ARHGEF11: variants seen among roughly 807,000 people sequenced by gnomAD.
The protein encoded by ARHGEF11 is Rho guanine nucleotide exchange factor 11, also known as Rho guanine exchange factor (GEF) 11.
Under a neutral mutation model 193.7 loss-of-function variants are expected in ARHGEF11, and 55 were observed. The observed-to-expected ratio is 0.28, with a 90% CI of 0.23 to 0.36. ARHGEF11 has a LOEUF of 0.36. Ranked by LOEUF, ARHGEF11 falls within the 10% of genes least tolerant of loss-of-function variation. ARHGEF11 has a pLI of 1.00. For synonymous variants in ARHGEF11, 693 were observed against 768.0 expected (o/e 0.90, Z 1.62); for missense variants, 1,723 against 2,005.6 (o/e 0.86, Z 2.69).
intron 37 of ARHGEF11, chr1:156,939,190 C>T (rs1656215843): frequency 3.4e-6 from 1 of 298,040 alleles, no homozygotes; most frequent in South Asian, 3.4e-5. Context: ...AGAAGAGTGG[C>T]TCTTTTCCCT....
At chr1:157,033,039 G>A (rs1027977173) in intron 1 of ARHGEF11, among the ~76,000 whole-genome samples, 1 of 151,954 alleles carries the variant, frequency 6.6e-6, no homozygotes, top group Non-Finnish European at 1.5e-5. Flanking sequence ...CCCTGCCCCT[G>A]GACAGTCTTA....
rs142897863 is a variant in ARHGEF11, at chr1:157,008,288, G to A, written c.33-22115C>T. Among the ~76,000 whole-genome samples the A allele has an allele frequency of 6.5e-4, 99 of 152,146 alleles. 1 individual carries two copies. The highest frequency in any genetic ancestry group is 2.3e-3 in the African/African-American group (95 of 41,500). On this transcript the variant is annotated intron_variant, in intron 1 of 40. Coordinates refer to ENST00000368194, the MANE Select transcript of ARHGEF11 (RefSeq NM_198236.3). ...TTGAAGCTCTACCCTCCAATGTGATGGCATTTGGAGATGGGGCCTTTGGAG... is the reference window on the plus strand; with the variant it reads ...TTGAAGCTCTACCCTCCAATGTGATAGCATTTGGAGATGGGGCCTTTGGAG...
intron 1 of ARHGEF11, among the ~76,000 whole-genome samples, chr1:157,010,019 C>T (rs1438346286): frequency 6.6e-6 from 1 of 152,076 alleles, no homozygotes; most frequent in Non-Finnish European, 1.5e-5. Context: ...GAAAGACTTG[C>T]CCCTAAGGTC....
In ARHGEF11 at chr1:156,984,083, A is replaced by ATCT. The variant is rs564813546; in HGVS notation, c.223+253_223+255dup. On this transcript the variant is annotated intron_variant, in intron 3 of 40. Transcript: ENST00000368194. ...GGGCTCCCTTCGATGGCAATCAGAC[A>ATCT]TCTGCCTGATGATGACCTGACAGCT... is the stretch of plus-strand genomic sequence containing the variant. 7.1e-4 allele frequency among the ~76,000 whole-genome samples: 108 copies of ATCT among 152,358 alleles called. 1 individual carries two copies. Among genetic ancestry groups the ATCT allele is most frequent in the African/African-American group, 2.5e-3 (106 of 41,594 alleles).
intron 1 of ARHGEF11, among the ~76,000 whole-genome samples, chr1:157,033,810 G>A (rs1048894896): frequency 1.5e-4 from 23 of 152,072 alleles, no homozygotes; most frequent in African/African-American, 5.1e-4. Flanking sequence ...CTCCAGCCTA[G>A]CTTTTATTTT....
In ARHGEF11 at chr1:157,014,090, C is replaced by T. The variant is rs140061387; in HGVS notation, c.33-27917G>A. 8.1e-3 allele frequency among the ~76,000 whole-genome samples: 1,231 copies of T among 152,314 alleles called. 7 individuals are homozygous for T. Among genetic ancestry groups the T allele is most frequent in the Admixed American group, 0.015 (231 of 15,308 alleles). On this transcript the variant is annotated intron_variant, in intron 1 of 40. Transcript: ENST00000368194. ...CTGAGGCCTTTGGTGCCTCCAATCA[C>T]GGTTTTATTAGTGTTTCCATGACCT...
At chr1:156,956,397 G>A (rs773169885) in intron 19 of ARHGEF11, 23 bp downstream of exon 19, 7 of 1,613,500 alleles carry the variant, frequency 4.3e-6, no homozygotes, top group Middle Eastern at 1.7e-4. Context: ...TTACAGGCAT[G>A]AGCCACCATG....
In ARHGEF11 at chr1:156,983,334, G is replaced by A. The variant is rs1217122414; in HGVS notation, c.223+1005C>T. ...GGCCACGGGTTCATGCCATTCTCCT[G>A]CCTCAGCCTCCCGAGTAGCTGGGAC... On this transcript the variant is annotated intron_variant, in intron 3 of 40. Coordinates refer to ENST00000368194, the MANE Select transcript of ARHGEF11 (RefSeq NM_198236.3). Among the ~76,000 whole-genome samples, 28 of 152,136 alleles carry A rather than the reference G, an allele frequency of 1.8e-4. 1 individual carries two copies. The highest frequency in any genetic ancestry group is 5.9e-5 in the Non-Finnish European group (4 of 68,008).
At position 157,013,206 on chromosome 1, in the gene ARHGEF11, T is replaced by C. The variant is rs1349077981; in HGVS notation, c.33-27033A>G. On this transcript the variant is annotated intron_variant, in intron 1 of 40. Transcript: ENST00000368194. ...TTTACTTGCAGGGCTGAATTCCATT[T>C]CCCTTCCATCATGTACTTGGGTCTG... is the stretch of plus-strand genomic sequence containing the variant. 1.1e-4 allele frequency among the ~76,000 whole-genome samples: 16 copies of C among 150,224 alleles called. No homozygotes were observed. In the South Asian group the frequency reaches 3.4e-3, roughly 32 times the overall value.
intron 30 of ARHGEF11, 101 bp downstream of exon 30, chr1:156,944,918 T>C: frequency 6.9e-7 from 1 of 1,449,520 alleles, no homozygotes; most frequent in African/African-American, 1.4e-5. Flanking sequence ...ATCTGGTCTC[T>C]GTCTCCTACC....
intron 1 of ARHGEF11, among the ~76,000 whole-genome samples, chr1:157,030,013 G>C (rs1671106132): frequency 6.6e-6 from 1 of 152,122 alleles, no homozygotes; most frequent in African/African-American, 2.4e-5. Context: ...GGGAGTGACT[G>C]CTAATGGGCC....
chr1:156,954,361 C>T (rs1659585529), intron 21 of ARHGEF11, among the ~76,000 whole-genome samples: 1 of 115,324 alleles, frequency 8.7e-6, no homozygotes, highest in Non-Finnish European at 1.7e-5. Context: ...GCCTGGGCCA[C>T]AGAGTGAAAC....
Position 156,944,900 on chromosome 1 carries a change from G to T in ARHGEF11, c.2991+119C>A, listed in dbSNP as rs1434020762. ...TGTGTGTCTTCTGGGGCTCCATTGT[G>T]CCACCCTATCTGGTCTCTGTCTCCT... On this transcript the variant is annotated intron_variant, in intron 30 of 40. Coordinates refer to ENST00000368194, the MANE Select transcript of ARHGEF11 (RefSeq NM_198236.3). 3.0e-6 allele frequency: 4 copies of T among 1,339,708 alleles called. No individual in the cohort carries two copies. The Admixed American group carries it at 6.8e-5, about 23-fold the overall frequency. 83.0% of individuals were successfully genotyped at this position (1,339,708 alleles called of 1,614,324 possible).
At chr1:156,954,009 T>A (rs895197875) in intron 21 of ARHGEF11, among the ~76,000 whole-genome samples, 4 of 152,154 alleles carry the variant, frequency 2.6e-5, no homozygotes, top group African/African-American at 9.7e-5. Context: ...AGAAAAACTG[T>A]TGGAGACCCA....
chr1:157,006,253 T>C (rs1667805378), intron 1 of ARHGEF11, among the ~76,000 whole-genome samples: 1 of 152,136 alleles, frequency 6.6e-6, no homozygotes, highest in Admixed American at 6.5e-5. Flanking sequence ...ATTATAGACA[T>C]GAGCTACTGC....
At chr1:156,996,796 A>G (rs1445870785) in intron 1 of ARHGEF11, among the ~76,000 whole-genome samples, 1 of 118,640 alleles carries the variant, frequency 8.4e-6, no homozygotes, top group Non-Finnish European at 1.9e-5. Flanking sequence ...AAAAAAAAAG[A>G]CAAGGGTCTC....
intron 1 of ARHGEF11, among the ~76,000 whole-genome samples, chr1:157,039,106 T>A (rs991665674): frequency 6.6e-6 from 1 of 152,262 alleles, no homozygotes; most frequent in African/African-American, 2.4e-5. Context: ...CATGTTTCCA[T>A]GTCCCTGTAC....
At chr1:156,962,326 G>A (rs1661002486) in intron 13 of ARHGEF11, among the ~76,000 whole-genome samples, 3 of 152,148 alleles carry the variant, frequency 2.0e-5, no homozygotes, top group South Asian at 4.1e-4. Flanking sequence ...TGCCCCAGGT[G>A]AGAAGTTTAT....
chr1:157,033,339 G>A (rs928071363), intron 1 of ARHGEF11, among the ~76,000 whole-genome samples: 9 of 151,734 alleles, frequency 5.9e-5, no homozygotes, highest in Non-Finnish European at 1.2e-4. Context: ...TCATGCCTCC[G>A]CATACCCCCA....
Sources: gnomAD v4.1 joint callset for allele counts (sites outside exome capture counted in the v4.1 genomes callset) on GRCh38, gnomAD v4.1.1 for gene constraint, MANE v1.5 for transcripts, NCBI Gene and HGNC (gene_info 2026-07-23, HGNC 2026-07-21) for gene names.